LHFPL2: variants seen among roughly 807,000 people sequenced by gnomAD.
The protein encoded by LHFPL2 is LHFPL tetraspan subfamily member 2 protein.
In LHFPL2, 7 loss-of-function variants were observed where a neutral mutation model predicts 17.5. That is an observed-to-expected ratio of 0.40 (90% CI 0.23 to 0.75). The LOEUF is 0.75. Ranked by LOEUF, LHFPL2 falls within the 30% of genes least tolerant of loss-of-function variation. The pLI is 0.37. For missense variants in LHFPL2, 241 were observed against 294.8 expected, an observed-to-expected ratio of 0.82 and a Z score of 1.34; for synonymous variants, 134 against 116.2, an observed-to-expected ratio of 1.15 and a Z score of -0.99.
intron 3 of LHFPL2, among the ~76,000 whole-genome samples, chr5:78,522,395 G>A (rs967539137): frequency 1.3e-5 from 2 of 152,134 alleles, no homozygotes; most frequent in East Asian, 1.9e-4. Flanking sequence ...CCGAGATCAC[G>A]CATTGCGCTT....
rs995731652 is a variant in LHFPL2, at chr5:78,510,323, T to G, written c.-110A>C. On this transcript the variant is annotated 5_prime_UTR_variant, in exon 4 of 5. The change abolishes the stop of an existing upstream ORF in the 5' untranslated region. Coordinates refer to ENST00000380345, the MANE Select transcript of LHFPL2 (RefSeq NM_005779.3). ...CCCGGGAAGGAAGTCGCAGCTGCAG[T>G]CATTCACTCCCGCCGCCGGCCGCGT... 9.3e-7 allele frequency: 1 copy of G among 1,078,528 alleles called. No individual in the cohort carries two copies. Among genetic ancestry groups the G allele is most frequent in the African/African-American group, 1.6e-5 (1 of 62,394 alleles). The allele number at this position is 1,078,528 out of a possible 1,614,324, so 66.8% of individuals were successfully genotyped here. A position where few individuals can be genotyped will look rare whatever the true frequency, so the allele number is the denominator to read the frequency against.
intron 3 of LHFPL2, 97 bp from the exon 4 acceptor site, chr5:78,510,495 A>G: frequency 2.4e-6 from 1 of 415,888 alleles, no homozygotes; most frequent in Non-Finnish European, 4.3e-6. Flanking sequence ...TGCCCGCAGA[A>G]CCCTGCCAGC....
chr5:78,615,619 T>C (rs900460013), intron 2 of LHFPL2, among the ~76,000 whole-genome samples: 9 of 152,206 alleles, frequency 5.9e-5, no homozygotes, highest in African/African-American at 1.2e-4. Flanking sequence ...AGCCTCTTGA[T>C]AGAAGCATCG....
chr5:78,506,445 G>T (rs1309196021), intron 4 of LHFPL2, among the ~76,000 whole-genome samples: 1 of 152,192 alleles, frequency 6.6e-6, no homozygotes, highest in Non-Finnish European at 1.5e-5. Context: ...AGAGATCCAG[G>T]GCTGAGGGAG....
chr5:78,548,148 C>G (rs1756339581), intron 3 of LHFPL2, among the ~76,000 whole-genome samples: 1 of 152,266 alleles, frequency 6.6e-6, no homozygotes, highest in Admixed American at 6.5e-5. Context: ...CTCTGGCCAG[C>G]ACGGCTGTAG....
chr5:78,500,522 C>A (rs1413894317), intron 4 of LHFPL2, among the ~76,000 whole-genome samples: 2 of 152,086 alleles, frequency 1.3e-5, no homozygotes, highest in African/African-American at 4.8e-5. Context: ...TCCTTCCACC[C>A]AGGAAGAGTT....
At chr5:78,639,417 A>C (rs1380352744) in intron 1 of LHFPL2, among the ~76,000 whole-genome samples, 3 of 152,260 alleles carry the variant, frequency 2.0e-5, no homozygotes, top group Non-Finnish European at 2.9e-5. Flanking sequence ...ATTCAGATCA[A>C]AAATGACTTA....
intron 3 of LHFPL2, among the ~76,000 whole-genome samples, chr5:78,539,650 A>T (rs952059062): frequency 2.0e-5 from 3 of 152,054 alleles, no homozygotes; most frequent in Non-Finnish European, 4.4e-5. Flanking sequence ...ACCATCACCC[A>T]GGGATGGGAA....
chr5:78,501,304 G>A (rs767488025), intron 4 of LHFPL2, among the ~76,000 whole-genome samples: 11 of 152,112 alleles, frequency 7.2e-5, no homozygotes, highest in African/African-American at 1.4e-4. Flanking sequence ...TGAATACATC[G>A]GCTTGATGAA....
chr5:78,560,487 A>G (rs1055257110), intron 3 of LHFPL2, among the ~76,000 whole-genome samples: 1 of 152,214 alleles, frequency 6.6e-6, no homozygotes, highest in Non-Finnish European at 1.5e-5. Context: ...GACACCAGGA[A>G]CATGGCACCT....
rs142507305 is a variant in LHFPL2, at chr5:78,509,930, C to T, written c.284G>A (p.Gly95Asp). Residue 95 changes from glycine (G) to aspartate (D), a missense_variant, in exon 4 of 5, where the codon GGC becomes GAC. By Grantham distance (94) the Gly-to-Asp change is moderately conservative. Coordinates refer to ENST00000380345, the MANE Select transcript of LHFPL2 (RefSeq NM_005779.3). ...GAAAATAGCTGTGGCCTGCCAGAAG[C>T]CGCTGGCGATCTCGCCGAAGCTCTC... ...YAESFGEIAS[G>D]FWQATAIFLA... 3.0e-5 allele frequency: 48 copies of T among 1,613,640 alleles called. No individual in the cohort carries two copies. Among genetic ancestry groups the T allele is most frequent in the Non-Finnish European group, 1.6e-5 (19 of 1,180,050 alleles).
chr5:78,581,758 G>T (rs1373739759), intron 2 of LHFPL2, among the ~76,000 whole-genome samples: 37 of 152,116 alleles, frequency 2.4e-4, no homozygotes, highest in Admixed American at 6.5e-4. Context: ...TCTCTTTTTT[G>T]GTTGTGCCTC....
At chr5:78,520,164 G>A (rs1405590916) in intron 3 of LHFPL2, among the ~76,000 whole-genome samples, 1 of 152,066 alleles carries the variant, frequency 6.6e-6, no homozygotes, top group Non-Finnish European at 1.5e-5. Flanking sequence ...CATCATATAG[G>A]TCAACATTTA....
intron 3 of LHFPL2, among the ~76,000 whole-genome samples, chr5:78,530,383 C>T (rs952718982): frequency 6.6e-6 from 1 of 152,168 alleles, no homozygotes; most frequent in Non-Finnish European, 1.5e-5. Context: ...AGAAGCATAA[C>T]CACTAAGAAG....
chr5:78,523,245 C>T (rs1403840018), intron 3 of LHFPL2, among the ~76,000 whole-genome samples: 1 of 152,158 alleles, frequency 6.6e-6, no homozygotes, highest in Non-Finnish European at 1.5e-5. Context: ...TTAAAACTCA[C>T]CTTATGTTCT....
At chr5:78,606,868 G>C (rs921571722) in intron 2 of LHFPL2, among the ~76,000 whole-genome samples, 2 of 151,940 alleles carry the variant, frequency 1.3e-5, no homozygotes, top group African/African-American at 4.8e-5. Context: ...GTAGAGACGG[G>C]GTTTCACCAT....
intron 2 of LHFPL2, among the ~76,000 whole-genome samples, chr5:78,619,103 G>A (rs1561368012): frequency 6.6e-6 from 1 of 152,104 alleles, no homozygotes; most frequent in Non-Finnish European, 1.5e-5. Context: ...TCAGCTTACT[G>A]CAACCTCTGC....
chr5:78,621,442 C>T (rs189393576), intron 2 of LHFPL2, among the ~76,000 whole-genome samples: 2 of 150,924 alleles, frequency 1.3e-5, no homozygotes, highest in African/African-American at 2.4e-5. Flanking sequence ...TTACTTTCTT[C>T]CTTGCAGTAA....
chr5:78,637,700 CT>C (rs1205221356), intron 1 of LHFPL2, among the ~76,000 whole-genome samples: 2 of 152,330 alleles, frequency 1.3e-5, no homozygotes, highest in East Asian at 3.9e-4. Flanking sequence ...AATGTGAGGC[CT>C]TGCTATTCAA....
Sources: allele counts gnomAD v4.1 joint callset (sites outside exome capture counted in the v4.1 genomes callset), GRCh38; gene constraint gnomAD v4.1.1; transcripts MANE v1.5; gene names NCBI Gene and HGNC (gene_info 2026-07-23, HGNC 2026-07-21).